NFAM1: variants seen among roughly 807,000 people sequenced by gnomAD.
NFAM1 encodes NFAT activation molecule 1.
NFAM1 carries 17 observed loss-of-function variants against 29.0 expected under a neutral mutation model. The observed-to-expected ratio is 0.59, with a 90% CI of 0.40 to 0.88. NFAM1 has a LOEUF of 0.88. Ranked by LOEUF, NFAM1 falls within the 40% of genes least tolerant of loss-of-function variation. The pLI is 0.00. For missense variants in NFAM1, 324 were observed against 344.6 expected, an observed-to-expected ratio of 0.94 and a Z score of 0.47; for synonymous variants, 175 against 147.2, an observed-to-expected ratio of 1.19 and a Z score of -1.36.
chr22:42,433,880 G>A (rs1274617017), upstream of NFAM1, among the ~76,000 whole-genome samples: 2 of 152,152 alleles, frequency 1.3e-5, no homozygotes, highest in African/African-American at 4.8e-5. Flanking sequence ...TTGATGCCAT[G>A]GTGATAGACC....
intron 1 of NFAM1, among the ~76,000 whole-genome samples, chr22:42,414,612 G>GA (rs1270817420): frequency 6.6e-6 from 1 of 151,302 alleles, no homozygotes; most frequent in Non-Finnish European, 1.5e-5. Context: ...GGGGTAGAGT[G>GA]AACCACAAAT....
upstream of NFAM1, among the ~76,000 whole-genome samples, chr22:42,434,506 T>G (rs888060626): frequency 6.6e-6 from 1 of 152,148 alleles, no homozygotes; most frequent in African/African-American, 2.4e-5. Context: ...CGCAGCCTCC[T>G]GGGGAGAGGC....
chr22:42,411,630 C>T lies in NFAM1; in HGVS notation c.228G>A (p.Lys76=). Residue 76 remains lysine (K), a synonymous_variant, in exon 2 of 6, where the codon AAG becomes AAA. Transcript: ENST00000329021. The part of the protein sequence containing the change: ...RITYPYTPQF[K]VFTVSYFHED... ...CATGAAAGTAGCTGACTGTGAAAAC[C>T]TTGAATTGGGGAGTGTATGGATAGG... 1.2e-6 allele frequency: 2 copies of T among 1,614,156 alleles called. No individual in the cohort carries two copies. The highest frequency in any genetic ancestry group is 1.7e-6 in the Non-Finnish European group (2 of 1,179,982).
chr22:42,396,894 G>C (rs34797957), intron 4 of NFAM1, among the ~76,000 whole-genome samples: 2 of 151,828 alleles, frequency 1.3e-5, no homozygotes, highest in Non-Finnish European at 2.9e-5. Flanking sequence ...CAGCACGTAC[G>C]AGCAGAACCC....
At position 42,432,206 on chromosome 22, in the gene NFAM1, G is replaced by T. The variant is rs192517826; in HGVS notation, c.121+31C>A. ...GCCGCTCTGATGTTCTGGAGCGAGA[G>T]AGTAGAGAGAAGGAGGAAGACAGAC... is the stretch of plus-strand genomic sequence containing the variant. On this transcript the variant is annotated intron_variant, in intron 1 of 5. Transcript: ENST00000329021. 1.8e-5 allele frequency: 28 copies of T among 1,547,826 alleles called. No homozygotes were observed. In the East Asian group the frequency reaches 6.7e-4, roughly 37 times the overall value.
chr22:42,425,190 G>A (rs532621556), intron 1 of NFAM1, among the ~76,000 whole-genome samples: 5 of 152,078 alleles, frequency 3.3e-5, no homozygotes, highest in South Asian at 4.2e-4. Flanking sequence ...CCCAAAGTGC[G>A]GGATTACAGG....
intron 3 of NFAM1, among the ~76,000 whole-genome samples, chr22:42,400,757 G>A (rs963015152): frequency 5.9e-5 from 9 of 152,220 alleles, no homozygotes; most frequent in Admixed American, 3.3e-4. Flanking sequence ...TGAGGGCACC[G>A]TCACAGTCAG....
chr22:42,425,995 C>T (rs549481350), intron 1 of NFAM1, among the ~76,000 whole-genome samples: 37 of 152,236 alleles, frequency 2.4e-4, no homozygotes, highest in Admixed American at 5.9e-4. Flanking sequence ...TTGACCTTGA[C>T]AGAGAGTTTG....
chr22:42,405,753 G>A (rs1929875867), intron 3 of NFAM1, among the ~76,000 whole-genome samples: 3 of 152,146 alleles, frequency 2.0e-5, no homozygotes, highest in Non-Finnish European at 2.9e-5. Flanking sequence ...GAGCCCTCCT[G>A]GACTTCACAG....
intron 3 of NFAM1, among the ~76,000 whole-genome samples, chr22:42,403,204 G>C (rs1929785936): frequency 6.6e-6 from 1 of 152,268 alleles, no homozygotes; most frequent in African/African-American, 2.4e-5. Context: ...GGAAACCGAA[G>C]CCTGGAGCAC....
At chr22:42,427,669 A>T (rs1040372263) in intron 1 of NFAM1, among the ~76,000 whole-genome samples, 9 of 152,216 alleles carry the variant, frequency 5.9e-5, no homozygotes, top group African/African-American at 2.2e-4. Flanking sequence ...AACAAAACGA[A>T]CTTCAGCCAT....
chr22:42,417,448 G>T (rs1248511309), intron 1 of NFAM1, among the ~76,000 whole-genome samples: 1 of 152,200 alleles, frequency 6.6e-6, no homozygotes, highest in South Asian at 2.1e-4. Context: ...GTCCTGGGGC[G>T]CAGGGAGGAA....
chr22:42,391,447 T>A (rs1454637659), intron 4 of NFAM1, among the ~76,000 whole-genome samples: 1 of 151,946 alleles, frequency 6.6e-6, no homozygotes, highest in Admixed American at 6.6e-5. Context: ...GAAACGGGAG[T>A]GGCTCCCACC....
At chr22:42,424,024 G>A (rs1930533567) in intron 1 of NFAM1, among the ~76,000 whole-genome samples, 1 of 152,080 alleles carries the variant, frequency 6.6e-6, no homozygotes, top group African/African-American at 2.4e-5. Flanking sequence ...TCAAACTCCT[G>A]TTCACTGAGG....
intron 1 of NFAM1, among the ~76,000 whole-genome samples, chr22:42,427,132 C>A (rs1310430718): frequency 6.6e-6 from 1 of 151,882 alleles, no homozygotes. Context: ...CCAGGCTCAC[C>A]CCGTCCCTTT....
At chr22:42,402,921 C>T (rs544221848) in intron 3 of NFAM1, among the ~76,000 whole-genome samples, 8 of 149,400 alleles carry the variant, frequency 5.4e-5, no homozygotes, top group South Asian at 2.1e-4. Flanking sequence ...CTGCATCCTC[C>T]GCCTCCCAGG....
At chr22:42,428,524 C>G (rs1470276085) in intron 1 of NFAM1, among the ~76,000 whole-genome samples, 1 of 152,140 alleles carries the variant, frequency 6.6e-6, no homozygotes, top group African/African-American at 2.4e-5. Context: ...TCAGTGCAGC[C>G]TCTGCCTCCC....
At chr22:42,436,048 G>A (rs903771016), upstream of NFAM1, among the ~76,000 whole-genome samples, 4 of 152,192 alleles carry the variant, frequency 2.6e-5, no homozygotes, top group South Asian at 8.3e-4. Flanking sequence ...TCGAACTCCT[G>A]ACCTCAGGTG....
At chr22:42,423,112 C>CAAAAAAAAAAAAAA (rs71184892) in intron 1 of NFAM1, among the ~76,000 whole-genome samples, 1 of 75,680 alleles carries the variant, frequency 1.3e-5, no homozygotes, top group Non-Finnish European at 2.2e-5. Context: ...GACTCCATCT[C>CAAAAAAAAAAAAAA]AAAAAAAAAA....
Sources: allele counts gnomAD v4.1 joint callset (sites outside exome capture counted in the v4.1 genomes callset), GRCh38; gene constraint gnomAD v4.1.1; transcripts MANE v1.5; gene names NCBI Gene and HGNC (gene_info 2026-07-23, HGNC 2026-07-21).